PLPP3: variants seen among roughly 807,000 people sequenced by gnomAD.
The protein encoded by PLPP3 is PAP2 beta.
In PLPP3, 6 loss-of-function variants were observed where a neutral mutation model predicts 29.6. The observed-to-expected ratio is 0.20, with a 90% CI of 0.11 to 0.40. The LOEUF is 0.40. Among genes scored for constraint, PLPP3 ranks in the 10% least tolerant of loss-of-function variants. The pLI, the probability that PLPP3 is intolerant of heterozygous loss-of-function variation, is 1.00. For missense variants in PLPP3, 308 were observed against 407.7 expected (o/e 0.76, Z 2.11); for synonymous variants, 152 against 159.7 (o/e 0.95, Z 0.36).
chr1:56,531,193 G>A (rs1232292582), intron 2 of PLPP3, among the ~76,000 whole-genome samples: 2 of 152,160 alleles, frequency 1.3e-5, no homozygotes, highest in Non-Finnish European at 2.9e-5. Context: ...AACTCCCATA[G>A]CACTTTATTT....
In PLPP3 at chr1:56,495,779, C is replaced by T. The variant is rs1457979508; in HGVS notation, c.*772G>A. ...CTGTTTCTAAGAGTATGCAAGTGCC[C>T]GGTGATTGACGTGCACAACATCAGC... On this transcript the variant is annotated 3_prime_UTR_variant, in exon 6 of 6. Coordinates refer to ENST00000371250, the MANE Select transcript of PLPP3 (RefSeq NM_003713.5). 1 of 152,612 alleles carries T rather than the reference C, an allele frequency of 6.6e-6. No homozygotes were observed. The highest frequency in any genetic ancestry group is 2.4e-5 in the African/African-American group (1 of 41,438). The allele number at this position is 152,612 out of a possible 1,614,324, so 9.5% of individuals were successfully genotyped here.
At chr1:56,542,405 G>C (rs1441857505) in intron 1 of PLPP3, among the ~76,000 whole-genome samples, 1 of 152,158 alleles carries the variant, frequency 6.6e-6, no homozygotes, top group East Asian at 1.9e-4. Context: ...GTGCTTTTTA[G>C]AAAGCCCTTG....
chr1:56,540,857 C>A (rs530450993), intron 1 of PLPP3, among the ~76,000 whole-genome samples: 1 of 152,100 alleles, frequency 6.6e-6, no homozygotes, highest in Non-Finnish European at 1.5e-5. Flanking sequence ...CTGTGCCTTG[C>A]CCTTCCAGGA....
At chr1:56,563,333 G>A (rs1037363169) in intron 1 of PLPP3, among the ~76,000 whole-genome samples, 2 of 152,166 alleles carry the variant, frequency 1.3e-5, no homozygotes, top group South Asian at 2.1e-4. Flanking sequence ...AATAGCCTGG[G>A]AAATACACGG....
At chr1:56,571,922 T>C (rs1388611749) in intron 1 of PLPP3, among the ~76,000 whole-genome samples, 2 of 152,076 alleles carry the variant, frequency 1.3e-5, no homozygotes, top group African/African-American at 4.8e-5. Flanking sequence ...AGGGATCGTC[T>C]CTATACCACA....
At chr1:56,543,015 C>CA (rs397737077) in intron 1 of PLPP3, among the ~76,000 whole-genome samples, 64,081 of 133,392 alleles carry the variant, frequency 0.48, 14,650 homozygotes, top group South Asian at 0.63. Context: ...GATCTTGTTT[C>CA]AAAAAAAAAA....
At chr1:56,532,221 C>T (rs10888977) in intron 2 of PLPP3, among the ~76,000 whole-genome samples, 57,074 of 151,908 alleles carry the variant, frequency 0.38, 11,265 homozygotes, top group African/African-American at 0.51. Flanking sequence ...AAGAAGGTCT[C>T]AGAAGAACTC....
At chr1:56,543,276 G>T (rs115859462) in intron 1 of PLPP3, among the ~76,000 whole-genome samples, 1 of 152,136 alleles carries the variant, frequency 6.6e-6, no homozygotes, top group Non-Finnish European at 1.5e-5. Flanking sequence ...GCTATGAAAC[G>T]TTGTGGGTTA....
intron 4 of PLPP3, among the ~76,000 whole-genome samples, chr1:56,515,379 G>A (rs1177138547): frequency 6.6e-6 from 1 of 152,104 alleles, no homozygotes; most frequent in Non-Finnish European, 1.5e-5. Flanking sequence ...TGCAGGCTTA[G>A]ATCACAAGCC....
At chr1:56,577,097 C>T (rs1646241951) in intron 1 of PLPP3, among the ~76,000 whole-genome samples, 1 of 152,168 alleles carries the variant, frequency 6.6e-6, no homozygotes, top group Non-Finnish European at 1.5e-5. Context: ...CTAGAAAGAG[C>T]TTACCCTGCC....
intron 1 of PLPP3, among the ~76,000 whole-genome samples, chr1:56,541,273 G>T (rs546877982): frequency 3.4e-4 from 52 of 152,100 alleles, no homozygotes; most frequent in Non-Finnish European, 6.2e-4. Flanking sequence ...AATATTGTCA[G>T]TCACAAAACT....
At position 56,496,471 on chromosome 1, in the gene PLPP3, C is replaced by A; in HGVS notation, c.*80G>T. ...GGCAAAAGTTTTTCCCTACATTCTA[C>A]TGTCTGATGAGATTGGAGAGCAGCA... is the stretch of plus-strand genomic sequence containing the variant. On this transcript the variant is annotated 3_prime_UTR_variant, in exon 6 of 6. Coordinates refer to ENST00000371250, the MANE Select transcript of PLPP3 (RefSeq NM_003713.5). 1 of 1,490,136 alleles carries A rather than the reference C, an allele frequency of 6.7e-7. No homozygotes were observed. Among genetic ancestry groups the A allele is most frequent in the Non-Finnish European group, 9.1e-7 (1 of 1,096,458 alleles). 92.3% of individuals were successfully genotyped at this position (1,490,136 alleles called of 1,614,324 possible).
At chr1:56,497,452 A>G (rs1235889048) in intron 5 of PLPP3, among the ~76,000 whole-genome samples, 1 of 152,212 alleles carries the variant, frequency 6.6e-6, no homozygotes, top group East Asian at 1.9e-4. Context: ...AGTAAGAAAA[A>G]TTTATGCTTT....
chr1:56,574,861 G>T (rs752286313), intron 1 of PLPP3, among the ~76,000 whole-genome samples: 3 of 152,152 alleles, frequency 2.0e-5, no homozygotes, highest in Non-Finnish European at 4.4e-5. Flanking sequence ...ATATTTACCA[G>T]CCTAGACTTA....
chr1:56,515,728 A>G (rs192548914), intron 4 of PLPP3, among the ~76,000 whole-genome samples: 1 of 152,304 alleles, frequency 6.6e-6, no homozygotes, highest in East Asian at 1.9e-4. Flanking sequence ...GTCAGCACTG[A>G]TCCTGGTGTC....
chr1:56,559,423 AT>A (rs35179048), intron 1 of PLPP3, among the ~76,000 whole-genome samples: 126,879 of 151,532 alleles, frequency 0.84, 53,674 homozygotes, highest in Non-Finnish European at 0.9. Flanking sequence ...CATATGGTTA[AT>A]TTTTTTTTTA....
chr1:56,566,764 C>T (rs1004701102), intron 1 of PLPP3, among the ~76,000 whole-genome samples: 2 of 152,198 alleles, frequency 1.3e-5, no homozygotes, highest in African/African-American at 4.8e-5. Context: ...TTTTCACATA[C>T]TTACAACTTG....
At chr1:56,568,155 G>C (rs1646174174) in intron 1 of PLPP3, among the ~76,000 whole-genome samples, 1 of 152,062 alleles carries the variant, frequency 6.6e-6, no homozygotes, top group South Asian at 2.1e-4. Context: ...GGAAAAATGG[G>C]GAGTGACTGG....
intron 1 of PLPP3, 133 bp downstream of exon 1, chr1:56,578,745 C>G (rs1161751478): frequency 9.8e-7 from 1 of 1,018,752 alleles, no homozygotes; most frequent in African/African-American, 1.7e-5. Context: ...CAAAGGCTCC[C>G]CAGGAAGGCT....
Sources: gnomAD v4.1 joint callset for allele counts (sites outside exome capture counted in the v4.1 genomes callset) on GRCh38, gnomAD v4.1.1 for gene constraint, MANE v1.5 for transcripts, NCBI Gene and HGNC (gene_info 2026-07-23, HGNC 2026-07-21) for gene names.